The following ABCA10 variants were observed in gnomAD, a reference collection of about 807,000 sequenced individuals.
The protein encoded by ABCA10 is ATP binding cassette subfamily A member 10.
A neutral mutation model predicts 187.5 loss-of-function variants in ABCA10; 169 were observed. The observed-to-expected ratio is 0.90, with a 90% CI of 0.80 to 1.02. The LOEUF is 1.02. Ranked by LOEUF, ABCA10 falls within the 50% of genes least tolerant of loss-of-function variation. The pLI is 0.00. For synonymous variants in ABCA10, 574 were observed against 601.8 expected (o/e 0.95, Z 0.68); for missense variants, 1,727 against 1,812.4 (o/e 0.95, Z 0.86).
At position 69,226,195 on chromosome 17, in the gene ABCA10, G is replaced by A. The variant is rs564530117; in HGVS notation, c.-171-666C>T. 2.0e-5 allele frequency among the ~76,000 whole-genome samples: 3 copies of A among 152,022 alleles called. No individual in the cohort carries two copies. The East Asian group carries it at 5.8e-4, about 29-fold the overall frequency. ...TATTTAGCCATTACATATATTTTAG[G>A]GAAGAAGAGGAGACAGAGAGATGAA... On this transcript the variant is annotated intron_variant, in intron 2 of 38. Transcript: ENST00000690296.
chr17:69,191,033 T>A, intron 17 of ABCA10, 143 bp downstream of exon 17: 2 of 867,138 alleles, frequency 2.3e-6, no homozygotes, highest in Non-Finnish European at 1.5e-6. Flanking sequence ...TAGATCATCA[T>A]ATTGGAAATA....
chr17:69,164,856 T>C (rs2074243994), intron 26 of ABCA10, 108 bp downstream of exon 26: 1 of 1,334,318 alleles, frequency 7.5e-7, no homozygotes. Flanking sequence ...TTTATCAGCA[T>C]TGAATAACTT....
chr17:69,205,285 T>G (rs2074582858), intron 9 of ABCA10, among the ~76,000 whole-genome samples: 1 of 152,224 alleles, frequency 6.6e-6, no homozygotes, highest in South Asian at 2.1e-4. Flanking sequence ...AAATATTTAT[T>G]GAGAGCCTCC....
At position 69,194,518 on chromosome 17, in the gene ABCA10, A is replaced by T. The variant is rs761424541; in HGVS notation, c.1235-23T>A. The stretch of plus-strand genomic sequence containing the variant: ...TGCCTGTTTTAGAATAAAAAGTGGA[A>T]ATTAGATTTTGGATTATATGCAGAT... On this transcript the variant is annotated intron_variant, in intron 11 of 38. Coordinates refer to ENST00000690296, the MANE Select transcript of ABCA10 (RefSeq NM_001377321.1). 3.8e-6 allele frequency: 6 copies of T among 1,562,782 alleles called. No homozygotes were observed. The East Asian group carries it at 9.0e-5, about 23-fold the overall frequency.
In ABCA10 at chr17:69,194,443, A is replaced by G. The variant is rs1417120001; in HGVS notation, c.1287T>C (p.Asn429=). ...TTAGCAGTGTTGATTTACCAGCTCC[A>G]TTATGCCCAAGTATTGCAGTGATCT... is the stretch of plus-strand genomic sequence containing the variant. ...EGQITAILGH[N]GAGKSTLLNI... Residue 429 remains asparagine, a synonymous_variant, in exon 12 of 39, where the codon AAT becomes AAC. Transcript: ENST00000690296. The G allele has an allele frequency of 1.9e-6, 3 of 1,613,218 alleles. No homozygotes were observed. The African/African-American group carries it at 4.0e-5, about 22-fold the overall frequency.
At chr17:69,222,064 A>G (rs2074752775) in intron 4 of ABCA10, among the ~76,000 whole-genome samples, 169 bp from the exon 5 acceptor site, 2 of 152,202 alleles carry the variant, frequency 1.3e-5, no homozygotes. Flanking sequence ...AGAAAAAAAG[A>G]ACATATGATG....
chr17:69,201,391 G>A, intron 10 of ABCA10, 109 bp downstream of exon 10: 25 of 1,031,714 alleles, frequency 2.4e-5, no homozygotes, highest in Non-Finnish European at 3.3e-5. Flanking sequence ...TGATGGCAGA[G>A]AAATAATAAA....
Position 69,201,216 on chromosome 17 carries a change from CAT to C in ABCA10, c.1175+282_1175+283del, listed in dbSNP as rs537933177. Among the ~76,000 whole-genome samples, 19 of 152,030 alleles carry C rather than the reference CAT, an allele frequency of 1.2e-4. No homozygotes were observed. The Middle Eastern group carries it at 0.01, about 82-fold the overall frequency. On this transcript the variant is annotated intron_variant, in intron 10 of 38. Transcript: ENST00000690296. ...TATGTATACATATACATAACATAGCCATGTGTGTGTTAGAAGACAAAGCAGAG... is the reference window on the plus strand; with the variant it reads ...TATGTATACATATACATAACATAGCCGTGTGTGTTAGAAGACAAAGCAGAG...
In ABCA10 at chr17:69,201,486, A is replaced by C. The variant is rs1390131016; in HGVS notation, c.1175+14T>G. ...TACCTATAAGTGTACATAGTCATGT[A>C]ATTTCTTAGTTACCTTATGGCTTCT... On this transcript the variant is annotated intron_variant, in intron 10 of 38. Coordinates refer to ENST00000690296, the MANE Select transcript of ABCA10 (RefSeq NM_001377321.1). The C allele has an allele frequency of 6.4e-7, 1 of 1,558,028 alleles. No individual in the cohort carries two copies. Among genetic ancestry groups the C allele is most frequent in the East Asian group, 2.3e-5 (1 of 43,854 alleles).
At chr17:69,229,062 A>G (rs1477403240), upstream of ABCA10, among the ~76,000 whole-genome samples, 1 of 152,044 alleles carries the variant, frequency 6.6e-6, no homozygotes, top group Non-Finnish European at 1.5e-5. Flanking sequence ...AGAAATCTGA[A>G]TCATTCCAAT....
At chr17:69,205,387 T>C (rs1223959894) in intron 9 of ABCA10, among the ~76,000 whole-genome samples, 2 of 152,202 alleles carry the variant, frequency 1.3e-5, no homozygotes, top group African/African-American at 2.4e-5. Flanking sequence ...TTTATTTAAT[T>C]TGCTGGGAAT....
intron 9 of ABCA10, among the ~76,000 whole-genome samples, 190 bp downstream of exon 9, chr17:69,214,514 C>CAAAA (rs11347438): frequency 2.6e-4 from 35 of 136,620 alleles, no homozygotes; most frequent in African/African-American, 9.1e-4. Flanking sequence ...GACTCCGTCT[C>CAAAA]AAAAAAAAAA....
At chr17:69,165,117 C>A in intron 25 of ABCA10, 34 bp from the exon 26 acceptor site, 1 of 1,468,228 alleles carries the variant, frequency 6.8e-7, no homozygotes, top group South Asian at 1.2e-5. Flanking sequence ...ATAATTTTCT[C>A]AGTTATATTT....
intron 14 of ABCA10, 57 bp downstream of exon 14, chr17:69,193,436 T>A: frequency 6.4e-7 from 1 of 1,562,648 alleles, no homozygotes; most frequent in Non-Finnish European, 8.6e-7. Context: ...TGGACTTTAA[T>A]AATAGTTGTA....
At chr17:69,231,559 G>A (rs114260634), upstream of ABCA10, among the ~76,000 whole-genome samples, 504 of 152,138 alleles carry the variant, frequency 3.3e-3, no homozygotes, top group African/African-American at 0.012. Context: ...TTTAATGTCC[G>A]TGTATTTGTA....
At position 69,174,721 on chromosome 17, in the gene ABCA10, A is replaced by C; in HGVS notation, c.2934T>G (p.Cys978Trp). ...ATGGAATGTCCACCAGAGCCTGTCC[A>C]CACCAGTATGCTGAAGGCCAGAGGC... ...ISGLWPSAYW[C>W]GQALVDIPLY... Residue 978 changes from cysteine (C) to tryptophan (W), a missense_variant, in exon 24 of 39, where the codon TGT becomes TGG. Coordinates refer to ENST00000690296, the MANE Select transcript of ABCA10 (RefSeq NM_001377321.1). 2 of 1,611,284 alleles carry C rather than the reference A, an allele frequency of 1.2e-6. No individual in the cohort carries two copies. Among genetic ancestry groups the C allele is most frequent in the Non-Finnish European group, 1.7e-6 (2 of 1,178,540 alleles).
rs12603579 is a variant in ABCA10 at position 69,163,592 on chromosome 17, A to G, written c.3363+482T>C. Among the ~76,000 whole-genome samples, 360 of 152,330 alleles carry G rather than the reference A, an allele frequency of 2.4e-3. 12 individuals are homozygous for G. The East Asian group carries it at 0.059, about 25-fold the overall frequency. On this transcript the variant is annotated intron_variant, in intron 27 of 38. Coordinates refer to ENST00000690296, the MANE Select transcript of ABCA10 (RefSeq NM_001377321.1). ...CTTGATAAACTGCTGTTCTGCTATT[A>G]AAGAGGAAACAAGAGGTGTGCAAAC...
In ABCA10 at chr17:69,177,044, T is replaced by C. The variant is rs373151158; in HGVS notation, c.2770-1531A>G. 1.7e-4 allele frequency among the ~76,000 whole-genome samples: 26 copies of C among 152,286 alleles called. No homozygotes were observed. The South Asian group carries it at 5.2e-3, about 30-fold the overall frequency. On this transcript the variant is annotated intron_variant, in intron 22 of 38. Transcript: ENST00000690296. ...CTTCTGCATATCCTCAACTTCATCC[T>C]AATGATTCCCAAAGTATGCATTATC...
intron 23 of ABCA10, 59 bp downstream of exon 23, chr17:69,175,347 G>A: frequency 7.0e-7 from 1 of 1,429,528 alleles, no homozygotes; most frequent in South Asian, 1.3e-5. Flanking sequence ...CAATAAAATT[G>A]CAATTACTAC....
Sources: gnomAD v4.1 joint callset for allele counts (sites outside exome capture counted in the v4.1 genomes callset) on GRCh38, gnomAD v4.1.1 for gene constraint, MANE v1.5 for transcripts, NCBI Gene and HGNC (gene_info 2026-07-23, HGNC 2026-07-21) for gene names.